STXBP5: variants seen among roughly 807,000 people sequenced by gnomAD.
STXBP5 encodes the protein syntaxin-binding protein 5.
In STXBP5, 50 loss-of-function variants were observed where a neutral mutation model predicts 152.4. The observed-to-expected ratio is 0.33, with a 90% CI of 0.26 to 0.42. The LOEUF (loss-of-function observed/expected upper bound fraction) is 0.42, where lower values mean the gene tolerates loss of function less well. STXBP5 is among the 10% of genes least tolerant of loss of function. The pLI is 1.00. For missense variants in STXBP5, 1,167 were observed against 1,388.6 expected (o/e 0.84, Z 2.54); for synonymous variants, 492 against 494.7 (o/e 0.99, Z 0.07).
chr6:147,323,395 CT>C (rs1245885825), intron 16 of STXBP5, among the ~76,000 whole-genome samples: 200 of 145,854 alleles, frequency 1.4e-3, no homozygotes, highest in Non-Finnish European at 1.3e-3. Flanking sequence ...TTTAATTCTT[CT>C]TTTTTTTTTT....
intron 4 of STXBP5, 111 bp downstream of exon 4, chr6:147,239,381 G>A (rs1294543262): frequency 2.6e-5 from 22 of 830,726 alleles, no homozygotes; most frequent in Non-Finnish European, 4.1e-5. Context: ...TCTAAAAACT[G>A]ATTCAGAAGC....
chr6:147,339,040 A>C, intron 19 of STXBP5, 139 bp from the exon 20 acceptor site: 1 of 679,490 alleles, frequency 1.5e-6, no homozygotes, highest in Non-Finnish European at 2.5e-6. Context: ...TTACTTATAC[A>C]TGGCCTCTTC....
intron 4 of STXBP5, among the ~76,000 whole-genome samples, chr6:147,250,452 G>A (rs997216162): frequency 6.6e-6 from 1 of 152,120 alleles, no homozygotes; most frequent in Admixed American, 6.5e-5. Context: ...ACATTGTATT[G>A]GCATTGTAAG....
intron 9 of STXBP5, among the ~76,000 whole-genome samples, chr6:147,300,642 C>T (rs1382222007): frequency 1.3e-5 from 2 of 151,946 alleles, no homozygotes; most frequent in African/African-American, 2.4e-5. Context: ...TCACCAAACA[C>T]AAAAATCTGC....
chr6:147,372,599 T>G (rs941126756), intron 25 of STXBP5, among the ~76,000 whole-genome samples: 17 of 151,702 alleles, frequency 1.1e-4, no homozygotes, highest in Non-Finnish European at 2.4e-4. Flanking sequence ...CACGCCCTGC[T>G]AATTTTTGTA....
chr6:147,269,730 C>T (rs1206897671), intron 7 of STXBP5, among the ~76,000 whole-genome samples: 2 of 152,002 alleles, frequency 1.3e-5, no homozygotes, highest in Admixed American at 1.3e-4. Flanking sequence ...ATACTCTGAA[C>T]AGTACTGCCA....
chr6:147,337,192 G>GACACACACAC (rs61074711), intron 19 of STXBP5, among the ~76,000 whole-genome samples: 144 of 53,944 alleles, frequency 2.7e-3, no homozygotes, highest in African/African-American at 6.7e-3. Context: ...CACATACATA[G>GACACACACAC]ACACACACAC....
chr6:147,309,315 A>G (rs779446930), intron 9 of STXBP5, among the ~76,000 whole-genome samples: 21 of 152,300 alleles, frequency 1.4e-4, no homozygotes, highest in East Asian at 3.9e-4. Flanking sequence ...ATTCATCTGT[A>G]TAATGTACCA....
intron 25 of STXBP5, among the ~76,000 whole-genome samples, chr6:147,372,522 C>G (rs1429544140): frequency 3.5e-5 from 5 of 140,868 alleles, no homozygotes; most frequent in Middle Eastern, 3.9e-3. Flanking sequence ...GCAACTTCCG[C>G]CTCCCGGGTT....
intron 6 of STXBP5, among the ~76,000 whole-genome samples, chr6:147,263,330 T>TTTTC (rs1464085880): frequency 6.6e-6 from 1 of 150,418 alleles, no homozygotes; most frequent in African/African-American, 2.4e-5. Flanking sequence ...TTGCTTTTCT[T>TTTTC]TTTCTTTCTT....
chr6:147,358,316 C>A lies in STXBP5; in HGVS notation c.2306-768C>A, dbSNP rs1201908355. ...ATGGAAAAGACTCACATTTGTCACA[C>A]TCTACCAGTCATGGATTGTATTACC... is the stretch of plus-strand genomic sequence containing the variant. On this transcript the variant is annotated intron_variant, in intron 22 of 27. Transcript: ENST00000321680. 2.6e-5 allele frequency among the ~76,000 whole-genome samples: 4 copies of A among 152,088 alleles called. No homozygotes were observed. In the East Asian group the frequency reaches 7.7e-4, roughly 29 times the overall value.
At chr6:147,210,708 A>G (rs1016998633) in intron 2 of STXBP5, among the ~76,000 whole-genome samples, 2 of 152,216 alleles carry the variant, frequency 1.3e-5, no homozygotes, top group South Asian at 2.1e-4. Context: ...TTAAATAAGA[A>G]TAATAACCCT....
intron 27 of STXBP5, among the ~76,000 whole-genome samples, chr6:147,384,063 A>C (rs755514037): frequency 6.6e-6 from 1 of 152,142 alleles, no homozygotes; most frequent in Non-Finnish European, 1.5e-5. Flanking sequence ...TATTTAGGAA[A>C]TATTTAATCT....
At chr6:147,369,823 A>G (rs912720785) in intron 25 of STXBP5, among the ~76,000 whole-genome samples, 12 of 152,080 alleles carry the variant, frequency 7.9e-5, no homozygotes, top group African/African-American at 2.9e-4. Context: ...ACTCCATACA[A>G]TGCTGATGGG....
In STXBP5 at chr6:147,239,182, A is replaced by G; in HGVS notation, c.343A>G (p.Ser115Gly). The change falls in exon 4 of 28, where the codon AGT (serine) becomes GGT (glycine). Residue 115 changes from serine (S) to glycine (G), a missense_variant. Ser to Gly is a moderately conservative substitution (Grantham distance 56, BLOSUM62 0). Around this residue, in one of 3 missense-constraint regions of STXBP5, gnomAD observed 310 missense variants for 346.1 expected, o/e 0.90. Transcript: ENST00000321680. ...QFLINEGALV[S>G]ALADDTLHLW... ...CTTGATTTTTAAGGGAGCGCTTGTG[A>G]GTGCCTTGGCTGATGACACCTTACA... 1 of 1,613,072 alleles carries G rather than the reference A, an allele frequency of 6.2e-7. No homozygotes were observed. Among genetic ancestry groups the G allele is most frequent in the East Asian group, 2.2e-5 (1 of 44,804 alleles).
At position 147,314,312 on chromosome 6, in the gene STXBP5, C is replaced by G. The variant is rs773669115; in HGVS notation, c.1342C>G (p.Pro448Ala). Reference sequence around the variant, plus strand: ...TTGGGGCTTGGGTGCTCAAAGTTACCCAGAAATAATTATTACAGGGTAAGT... The same window carrying G: ...TTGGGGCTTGGGTGCTCAAAGTTACGCAGAAATAATTATTACAGGGTAAGT... ...GNWGLGAQSY[P>A]EIIITGHADG... The change falls in exon 13 of 28, where the codon CCA (proline) becomes GCA (alanine). Residue 448 changes from proline (P) to alanine (A), a missense_variant. Pro to Ala is a conservative substitution (Grantham distance 27). Transcript: ENST00000321680. 3.2e-5 allele frequency: 52 copies of G among 1,611,712 alleles called. No homozygotes were observed. Among genetic ancestry groups the G allele is most frequent in the Non-Finnish European group, 4.2e-5 (50 of 1,178,380 alleles).
intron 4 of STXBP5, among the ~76,000 whole-genome samples, chr6:147,242,126 A>C (rs1211918724): frequency 1.3e-5 from 2 of 151,384 alleles, no homozygotes; most frequent in African/African-American, 4.9e-5. Flanking sequence ...GATGATCCTG[A>C]TCCTGTGTAG....
intron 4 of STXBP5, among the ~76,000 whole-genome samples, chr6:147,251,138 TG>T (rs1779069426): frequency 6.6e-6 from 1 of 151,044 alleles, no homozygotes; most frequent in East Asian, 1.9e-4. Context: ...CCACAGAGAG[TG>T]AGCCGAAGCA....
chr6:147,340,784 A>G (rs1248066802), intron 21 of STXBP5, among the ~76,000 whole-genome samples: 3 of 152,132 alleles, frequency 2.0e-5, no homozygotes, highest in Non-Finnish European at 4.4e-5. Flanking sequence ...TAAATAGAAT[A>G]TGTAACATGT....
Sources: gnomAD v4.1 joint callset for allele counts (sites outside exome capture counted in the v4.1 genomes callset) on GRCh38, gnomAD v4.1.1 for gene constraint, gnomAD v4.1.1 regional missense constraint, MANE v1.5 for transcripts, NCBI Gene and HGNC (gene_info 2026-07-23, HGNC 2026-07-21) for gene names.